PC: variants seen among roughly 807,000 people sequenced by gnomAD.
The protein encoded by PC is pyruvate carboxylase, also known as pyruvate carboxylase, mitochondrial.
In PC, 46 loss-of-function variants were observed where a neutral mutation model predicts 107.8. The observed-to-expected ratio is 0.43, with a 90% confidence interval of 0.34 to 0.55. The LOEUF (loss-of-function observed/expected upper bound fraction) is 0.55, where lower values mean the gene tolerates loss of function less well. Ranked by LOEUF, PC falls within the 20% of genes least tolerant of loss-of-function variation. The pLI is 0.04. For synonymous variants in PC, 662 were observed against 684.7 expected (o/e 0.97, Z 0.52); for missense variants, 1,241 against 1,643.1 (o/e 0.76, Z 4.23).
chr11:66,913,517 CA>C (rs1437977994), intron 3 of PC, among the ~76,000 whole-genome samples: 2 of 151,592 alleles, frequency 1.3e-5, no homozygotes, highest in Non-Finnish European at 2.9e-5. Flanking sequence ...TAAAAAAATA[CA>C]AAAATTAGCC....
chr11:66,853,562 C>G (rs542641020), intron 12 of PC, among the ~76,000 whole-genome samples, 179 bp from the exon 13 acceptor site: 66 of 152,314 alleles, frequency 4.3e-4, no homozygotes, highest in Admixed American at 1.0e-3. Context: ...AGCAGAGCCC[C>G]CTAAGCTGTC....
chr11:66,884,781 C>G (rs1448045231), intron 3 of PC, among the ~76,000 whole-genome samples: 2 of 152,192 alleles, frequency 1.3e-5, no homozygotes, highest in Non-Finnish European at 2.9e-5. Context: ...AGGACTCAGA[C>G]GCAGCCTGGC....
At position 66,858,990 on chromosome 11, in the gene PC, G is replaced by A. The variant is rs146377143; in HGVS notation, c.1368+4784C>T. ...AGCCGTGCAGGTGACGGAGGTGACC[G>A]CCACCTCAGGGCTGGTGAGCTGGGG... On this transcript the variant is annotated intron_variant, in intron 12 of 22. Transcript: ENST00000393960. This position sits in a 1 kb window ranked among gnomAD's most constrained non-coding sequence, Gnocchi z 5.9. 61 of 1,557,608 alleles carry A rather than the reference G, an allele frequency of 3.9e-5. No individual in the cohort carries two copies. The African/African-American group carries it at 6.0e-4, about 15-fold the overall frequency.
chr11:66,866,922 T>C lies in PC; in HGVS notation c.1023-573A>G, dbSNP rs1465817524. Among the ~76,000 whole-genome samples the C allele has an allele frequency of 7.2e-5, 11 of 152,172 alleles. No individual in the cohort carries two copies. The South Asian group carries it at 1.7e-3, about 23-fold the overall frequency. ...GCACAGTGGGTGCTGGGTCAGGACC[T>C]GTCCTTCTGAGGCCTGTTTTCCTGC... On this transcript the variant is annotated intron_variant, in intron 10 of 22. Coordinates refer to ENST00000393960, the MANE Select transcript of PC (RefSeq NM_001040716.2). This position sits in a 1 kb window ranked among gnomAD's most constrained non-coding sequence, Gnocchi z 5.4.
chr11:66,860,927 C>CA (rs1946223643), intron 12 of PC, among the ~76,000 whole-genome samples: 1 of 152,192 alleles, frequency 6.6e-6, no homozygotes, highest in South Asian at 2.1e-4. Flanking sequence ...CTCATGGCTC[C>CA]AGGTGCTGAC....
At chr11:66,861,323 C>T (rs1334544863) in intron 12 of PC, among the ~76,000 whole-genome samples, 1 of 152,188 alleles carries the variant, frequency 6.6e-6, no homozygotes, top group Non-Finnish European at 1.5e-5. Context: ...GTCAAGCTCC[C>T]CCAGGTGCTG....
At position 66,850,231 on chromosome 11, in the gene PC, C is replaced by T. The variant is rs758910766; in HGVS notation, c.2707G>A (p.Asp903Asn). The change falls in exon 19 of 23, where the codon GAT becomes AAT. Residue 903 changes from aspartate to asparagine, a missense_variant. Physicochemically the swap from Asp to Asn is conservative, Grantham distance 23 (BLOSUM62 1). This residue lies in a region of PC where 1,143 missense variants were observed against 1,551.9 expected (regional missense o/e 0.74). Transcript: ENST00000393960. ...AYVEANQMLG[D>N]LIKVTPSSKI... ...CGGGCCGGGCTCACCTTGATGAGAT[C>T]GCCCAGCATCTGGTTGGCCTCCACA... 12 of 1,613,858 alleles carry T rather than the reference C, an allele frequency of 7.4e-6. No homozygotes were observed. The highest frequency in any genetic ancestry group is 5.3e-5 in the African/African-American group (4 of 74,894).
At chr11:66,922,002 C>T (rs1326822888) in intron 3 of PC, among the ~76,000 whole-genome samples, 2 of 152,168 alleles carry the variant, frequency 1.3e-5, no homozygotes, top group Non-Finnish European at 2.9e-5. Context: ...CCCCATCTTC[C>T]TCATGACAAT....
At chr11:66,914,716 C>T (rs1948426318) in intron 3 of PC, among the ~76,000 whole-genome samples, 1 of 152,174 alleles carries the variant, frequency 6.6e-6, no homozygotes, top group Non-Finnish European at 1.5e-5. Flanking sequence ...CCGTCGCCTC[C>T]AATTACACTA....
intron 3 of PC, among the ~76,000 whole-genome samples, chr11:66,928,892 A>G (rs2136107239): frequency 6.6e-6 from 1 of 152,326 alleles, no homozygotes; most frequent in African/African-American, 2.4e-5. Context: ...TTTGGGAAAG[A>G]AACACTACAT....
Position 66,849,686 on chromosome 11 carries a change from A to G in PC, c.3072T>C (p.Thr1024=), listed in dbSNP as rs147432626. The G allele has an allele frequency of 8.1e-6, 13 of 1,614,080 alleles. No homozygotes were observed. In the African/African-American group the frequency reaches 1.7e-4, roughly 22 times the overall value. The change falls in exon 21 of 23, where the codon ACT becomes ACC. Residue 1024 remains threonine, a synonymous_variant. Transcript: ENST00000393960. ...PDVFAHFKDF[T]ATFGPLDSLN... Reference sequence around the variant, plus strand: ...GGCTATCCAGGGGGCCAAAGGTGGCAGTGAAGTCCTTGAAGTGGGCAAACA... The same window carrying G: ...GGCTATCCAGGGGGCCAAAGGTGGCGGTGAAGTCCTTGAAGTGGGCAAACA...
intron 3 of PC, among the ~76,000 whole-genome samples, chr11:66,901,288 A>C (rs1947948549): frequency 6.6e-6 from 1 of 152,160 alleles, no homozygotes; most frequent in Non-Finnish European, 1.5e-5. Flanking sequence ...AGACAGAGGC[A>C]CAGGCGGGAG....
At position 66,857,528 on chromosome 11, in the gene PC, T is replaced by G. The variant is rs1591143475; in HGVS notation, c.1369-4145A>C. 1 of 571,502 alleles carries G rather than the reference T, an allele frequency of 1.7e-6. No homozygotes were observed. The highest frequency in any genetic ancestry group is 4.6e-4 in the Middle Eastern group (1 of 2,172). The allele number at this position is 571,502 out of a possible 1,614,324, so 35.4% of individuals were successfully genotyped here. On this transcript the variant is annotated intron_variant, in intron 12 of 22. Coordinates refer to ENST00000393960, the MANE Select transcript of PC (RefSeq NM_001040716.2). The surrounding 1 kb of genome is among the most constrained non-coding windows in gnomAD (Gnocchi z 7.1). ...TTGTCCCCAGCGCCTGGACTCCCCC[T>G]TAACTGCTTGGGAAATGTGACCTTT... is the stretch of plus-strand genomic sequence containing the variant.
At chr11:66,926,370 C>A (rs147445543) in intron 3 of PC, among the ~76,000 whole-genome samples, 7 of 152,282 alleles carry the variant, frequency 4.6e-5, no homozygotes, top group African/African-American at 1.4e-4. Flanking sequence ...TAGAGTACTT[C>A]TTAAGTGCTT....
intron 3 of PC, among the ~76,000 whole-genome samples, chr11:66,901,092 C>T (rs76732061): frequency 0.068 from 10,425 of 152,238 alleles, 386 homozygotes; most frequent in African/African-American, 0.092. Context: ...GATGCCAGAG[C>T]TCTCATCCCC....
At chr11:66,861,906 C>T (rs894405328) in intron 12 of PC, among the ~76,000 whole-genome samples, 3 of 152,118 alleles carry the variant, frequency 2.0e-5, no homozygotes, top group Admixed American at 2.0e-4. Flanking sequence ...TGCAGAAGCC[C>T]ACCTCTAGCT....
intron 18 of PC, 78 bp downstream of exon 18, chr11:66,850,596 G>T: frequency 6.2e-7 from 1 of 1,601,256 alleles, no homozygotes; most frequent in Non-Finnish European, 8.5e-7. Flanking sequence ...CTGGATCCTA[G>T]GCAGGTCCAA....
At chr11:66,861,577 G>A (rs958682490) in intron 12 of PC, among the ~76,000 whole-genome samples, 2 of 149,404 alleles carry the variant, frequency 1.3e-5, no homozygotes, top group Non-Finnish European at 3.0e-5. Flanking sequence ...ATGAATGGGA[G>A]CAAGGTCCTC....
chr11:66,956,306 C>G (rs1411979044), intron 1 of PC, among the ~76,000 whole-genome samples: 1 of 152,006 alleles, frequency 6.6e-6, no homozygotes, highest in South Asian at 2.1e-4. Context: ...TGTAACTGGC[C>G]AGGCATGATG....
Sources: gnomAD v4.1 joint callset for allele counts (sites outside exome capture counted in the v4.1 genomes callset) on GRCh38, gnomAD v4.1.1 for gene constraint, gnomAD v4.1.1 regional missense constraint, Gnocchi (gnomAD v3.1) non-coding constraint, MANE v1.5 for transcripts, NCBI Gene and HGNC (gene_info 2026-07-23, HGNC 2026-07-21) for gene names.